CSMD1: variants seen among roughly 807,000 people sequenced by gnomAD.
The protein encoded by CSMD1 is CUB and sushi domain-containing protein 1.
A neutral mutation model predicts 417.5 loss-of-function variants in CSMD1; 213 were observed. That is an observed-to-expected ratio of 0.51 (90% confidence interval 0.46 to 0.57). CSMD1 has a LOEUF of 0.57. CSMD1 is among the 20% of genes least tolerant of loss of function. CSMD1 has a pLI of 0.00. For synonymous variants in CSMD1, 2,862 were observed against 1,736.8 expected, an observed-to-expected ratio of 1.65 and a Z score of -16.11; for missense variants, 6,923 against 4,529.7, an observed-to-expected ratio of 1.53 and a Z score of -15.17.
At chr8:3,996,616 T>TATTA (rs1815243767) in intron 5 of CSMD1, among the ~76,000 whole-genome samples, 1 of 152,176 alleles carries the variant, frequency 6.6e-6, no homozygotes, top group African/African-American at 2.4e-5. Flanking sequence ...TTAAACAAAT[T>TATTA]CCTGAGTGTT....
At chr8:3,531,403 A>C (rs565738740) in intron 10 of CSMD1, among the ~76,000 whole-genome samples, 1 of 152,280 alleles carries the variant, frequency 6.6e-6, no homozygotes, top group East Asian at 1.9e-4. Flanking sequence ...TGGAATTATA[A>C]AACACAATAG....
intron 2 of CSMD1, among the ~76,000 whole-genome samples, chr8:4,486,627 T>A (rs1174680298): frequency 1.3e-5 from 2 of 152,062 alleles, no homozygotes; most frequent in African/African-American, 2.4e-5. Flanking sequence ...TACGACTCAG[T>A]GACCTAAACA....
chr8:4,850,326 G>T (rs192060223), intron 1 of CSMD1, among the ~76,000 whole-genome samples: 4 of 141,366 alleles, frequency 2.8e-5, no homozygotes, highest in Non-Finnish European at 6.1e-5. Context: ...TGTTTTTACT[G>T]TCTTAATGGT....
chr8:3,934,697 T>C (rs1045764034), intron 5 of CSMD1, among the ~76,000 whole-genome samples: 1 of 151,712 alleles, frequency 6.6e-6, no homozygotes, highest in Non-Finnish European at 1.5e-5. Context: ...CTACTAAACA[T>C]GCAAAAATTT....
At chr8:3,718,223 C>T (rs1431182151) in intron 6 of CSMD1, among the ~76,000 whole-genome samples, 2 of 152,046 alleles carry the variant, frequency 1.3e-5, no homozygotes, top group Non-Finnish European at 2.9e-5. Context: ...AGTCTGGAAA[C>T]AGTTGTTGTC....
intron 2 of CSMD1, among the ~76,000 whole-genome samples, chr8:4,469,961 G>A (rs1215307613): frequency 6.6e-6 from 1 of 151,138 alleles, no homozygotes; most frequent in Non-Finnish European, 1.5e-5. Context: ...TCCACCTCCT[G>A]GATTCACACC....
At chr8:3,437,754 C>CTTT (rs34146233) in intron 12 of CSMD1, among the ~76,000 whole-genome samples, 10 of 148,638 alleles carry the variant, frequency 6.7e-5, no homozygotes, top group African/African-American at 2.0e-4. Context: ...GATATCTTTT[C>CTTT]TTTTTTTTTT....
intron 5 of CSMD1, among the ~76,000 whole-genome samples, chr8:3,954,604 C>T (rs1490252153): frequency 5.3e-5 from 8 of 152,172 alleles, no homozygotes; most frequent in African/African-American, 1.2e-4. Context: ...CCTCGTGATC[C>T]GCCCACCTTG....
At chr8:3,583,663 C>T (rs1229669089) in intron 9 of CSMD1, among the ~76,000 whole-genome samples, 2 of 151,868 alleles carry the variant, frequency 1.3e-5, no homozygotes, top group Non-Finnish European at 2.9e-5. Flanking sequence ...GGAATCAGGG[C>T]TGGGTGATTT....
intron 1 of CSMD1, among the ~76,000 whole-genome samples, chr8:4,802,037 G>C (rs550004987): frequency 6.6e-6 from 1 of 152,052 alleles, no homozygotes; most frequent in Admixed American, 6.6e-5. Flanking sequence ...ATTTGCAAAG[G>C]GCATTAATGG....
chr8:3,877,370 G>A (rs1805894906), intron 5 of CSMD1, among the ~76,000 whole-genome samples: 1 of 152,184 alleles, frequency 6.6e-6, no homozygotes, highest in South Asian at 2.1e-4. Flanking sequence ...ATGGCTACCT[G>A]CCAGACATGG....
chr8:4,617,247 T>C (rs898674989), intron 2 of CSMD1, among the ~76,000 whole-genome samples: 1 of 152,148 alleles, frequency 6.6e-6, no homozygotes, highest in Admixed American at 6.6e-5. Flanking sequence ...ATAAATAAAA[T>C]CTTTAAGAGC....
chr8:3,267,556 C>T (rs1801525764), intron 26 of CSMD1, among the ~76,000 whole-genome samples: 2 of 152,114 alleles, frequency 1.3e-5, no homozygotes, highest in Admixed American at 1.3e-4. Context: ...AGGGAGCTTC[C>T]AGCACAAGGG....
At chr8:3,425,735 G>A (rs1317953510) in intron 12 of CSMD1, among the ~76,000 whole-genome samples, 1 of 152,116 alleles carries the variant, frequency 6.6e-6, no homozygotes, top group South Asian at 2.1e-4. Flanking sequence ...AATCTGGCTA[G>A]GTTCGGATAC....
At chr8:4,445,987 G>T (rs1332849908) in intron 2 of CSMD1, among the ~76,000 whole-genome samples, 1 of 152,128 alleles carries the variant, frequency 6.6e-6, no homozygotes, top group Non-Finnish European at 1.5e-5. Flanking sequence ...CAATGTCAGT[G>T]CCTCTTCCCT....
intron 11 of CSMD1, 127 bp from the exon 12 acceptor site, chr8:3,468,951 A>G (rs1384371704): frequency 3.3e-6 from 2 of 601,532 alleles, no homozygotes; most frequent in African/African-American, 3.7e-5. Context: ...ACCCTCTTTC[A>G]AAGACTGTAC....
rs149247408 is a variant in CSMD1, at chr8:4,988,602, G to T, written c.85+5730C>A. On this transcript the variant is annotated intron_variant, in intron 1 of 69. Coordinates refer to ENST00000635120, the MANE Select transcript of CSMD1 (RefSeq NM_033225.6). ...GTGGAATGTTTACAACACATTTAGAGTTGGTGGATGAGACAGGGTGCCTAA... is the reference window on the plus strand; with the variant it reads ...GTGGAATGTTTACAACACATTTAGATTTGGTGGATGAGACAGGGTGCCTAA... Among the ~76,000 whole-genome samples, 30 of 152,336 alleles carry T rather than the reference G, an allele frequency of 2.0e-4. 1 individual carries two copies. In the East Asian group the frequency reaches 5.6e-3, roughly 28 times the overall value.
intron 7 of CSMD1, among the ~76,000 whole-genome samples, chr8:3,636,176 C>G (rs1231263165): frequency 1.3e-5 from 2 of 152,176 alleles, no homozygotes; most frequent in Non-Finnish European, 2.9e-5. Flanking sequence ...AACATGACTT[C>G]TTCCATCTTT....
rs908503097 is a variant in CSMD1, at chr8:4,232,977, G to C, written c.415+186976C>G. ...ATAATTTGGTTATTCATAAGAAAAG[G>C]AGGAAACAGGAAGAGGATAGACGTG... On this transcript the variant is annotated intron_variant, in intron 3 of 69. Transcript: ENST00000635120. Among the ~76,000 whole-genome samples the C allele has an allele frequency of 3.3e-5, 5 of 152,162 alleles. No individual in the cohort carries two copies. In the East Asian group the frequency reaches 9.6e-4, roughly 29 times the overall value.
Sources: allele counts gnomAD v4.1 joint callset (sites outside exome capture counted in the v4.1 genomes callset), GRCh38; gene constraint gnomAD v4.1.1; transcripts MANE v1.5; gene names NCBI Gene and HGNC (gene_info 2026-07-23, HGNC 2026-07-21).